The following ZNF292 variants were observed in gnomAD, a reference collection of about 807,000 sequenced individuals.
ZNF292 encodes the protein 16 zinc-finger domain protein.
A neutral mutation model predicts 217.9 loss-of-function variants in ZNF292; 26 were observed. The observed-to-expected ratio is 0.12, with a 90% CI of 0.09 to 0.17. The LOEUF is 0.17. ZNF292 is among the 10% of genes least tolerant of loss of function. The pLI, the probability that ZNF292 is intolerant of heterozygous loss-of-function variation, is 1.00. For synonymous variants in ZNF292, 1,257 were observed against 1,124.1 expected, an observed-to-expected ratio of 1.12 and a Z score of -2.37; for missense variants, 2,904 against 3,175.2, an observed-to-expected ratio of 0.91 and a Z score of 2.05.
At position 87,205,296 on chromosome 6, in the gene ZNF292, A is replaced by AC. The variant is rs1487300148; in HGVS notation, c.169-10603dup. Among the ~76,000 whole-genome samples the AC allele has an allele frequency of 4.6e-5, 7 of 151,978 alleles. No individual in the cohort carries two copies. The South Asian group carries it at 6.2e-4, about 14-fold the overall frequency. On this transcript the variant is annotated intron_variant, in intron 1 of 7. Coordinates refer to ENST00000369577, the MANE Select transcript of ZNF292 (RefSeq NM_015021.3). Reference sequence around the variant, plus strand: ...GCTATGTTGCTCTGGCTGGTCTCGAACCCCTGGCCTCAAATTATCCTCCCA... The same window carrying AC: ...GCTATGTTGCTCTGGCTGGTCTCGAACCCCCTGGCCTCAAATTATCCTCCCA...
chr6:87,239,270 C>G (rs1180975726), intron 5 of ZNF292, among the ~76,000 whole-genome samples: 1 of 151,560 alleles, frequency 6.6e-6, no homozygotes. Flanking sequence ...GCAAAGGCAC[C>G]CCTCACCTCC....
chr6:87,234,549 ACT>A (rs1163510377), intron 5 of ZNF292, among the ~76,000 whole-genome samples: 2 of 150,022 alleles, frequency 1.3e-5, no homozygotes, highest in South Asian at 2.1e-4. Context: ...ACAGTGTGAG[ACT>A]CTGTCGCAAA....
At chr6:87,172,988 CCT>C (rs1771155723) in intron 1 of ZNF292, among the ~76,000 whole-genome samples, 2 of 151,536 alleles carry the variant, frequency 1.3e-5, no homozygotes, top group Admixed American at 1.3e-4. Flanking sequence ...AAATTAAAAA[CCT>C]ATATTTAACT....
chr6:87,240,383 G>A (rs148199102), intron 5 of ZNF292, among the ~76,000 whole-genome samples: 1 of 151,526 alleles, frequency 6.6e-6, no homozygotes, highest in Non-Finnish European at 1.5e-5. Context: ...GGGTGGGGGA[G>A]GGGGAGGGGG....
chr6:87,218,496 A>T, intron 3 of ZNF292, 100 bp from the exon 4 acceptor site: 1 of 950,728 alleles, frequency 1.1e-6, no homozygotes, highest in South Asian at 2.6e-5. Context: ...AATTTTTAAG[A>T]TGAAAGTCTT....
chr6:87,213,529 G>A (rs976927682), intron 1 of ZNF292, among the ~76,000 whole-genome samples: 3 of 152,136 alleles, frequency 2.0e-5, no homozygotes, highest in Non-Finnish European at 2.9e-5. Flanking sequence ...AGAGCAGGGG[G>A]TATGAGCCAG....
intron 1 of ZNF292, among the ~76,000 whole-genome samples, chr6:87,159,567 A>G (rs540801109): frequency 6.7e-6 from 1 of 149,190 alleles, no homozygotes; most frequent in Non-Finnish European, 1.5e-5. Context: ...CAATGGCGCA[A>G]TCTGGGCTCA....
intron 5 of ZNF292, among the ~76,000 whole-genome samples, chr6:87,241,417 ATTT>A (rs34271239): frequency 1.4e-4 from 18 of 124,662 alleles, no homozygotes; most frequent in African/African-American, 3.0e-4. Context: ...AAGAGCTTGG[ATTT>A]TTTTTTTTTT....
intron 5 of ZNF292, among the ~76,000 whole-genome samples, chr6:87,238,689 A>ATT (rs201198900): frequency 9.1e-5 from 12 of 132,440 alleles, no homozygotes; most frequent in African/African-American, 2.6e-4. Context: ...TGATTTATAT[A>ATT]TTTTTTTTTT....
intron 1 of ZNF292, among the ~76,000 whole-genome samples, chr6:87,166,151 C>T (rs1417294268): frequency 1.3e-5 from 2 of 152,212 alleles, no homozygotes; most frequent in African/African-American, 4.8e-5. Flanking sequence ...AAAAAATCTG[C>T]ATTTAAGCAT....
In ZNF292 at chr6:87,259,918, C is replaced by T. The variant is rs758969434; in HGVS notation, c.6289C>T (p.Pro2097Ser). ...AAAGGAGGAGAAAAAACGAAAGAAGCCAGTTTCCCAATCCCTTGAGTTTCC... is the reference window on the plus strand; with the variant it reads ...AAAGGAGGAGAAAAAACGAAAGAAGTCAGTTTCCCAATCCCTTGAGTTTCC... ...KEKEEKKRKK[P>S]VSQSLEFPTR... The change falls in exon 8 of 8, where the codon CCA (proline) becomes TCA (serine). Residue 2097 changes from proline to serine, a missense_variant. Physicochemically the swap from Pro to Ser is moderately conservative, Grantham distance 74. Around this residue, in one of 15 missense-constraint regions of ZNF292, gnomAD observed 261 missense variants for 272.8 expected, o/e 0.96. Coordinates refer to ENST00000369577, the MANE Select transcript of ZNF292 (RefSeq NM_015021.3). 2 of 1,613,546 alleles carry T rather than the reference C, an allele frequency of 1.2e-6. No individual in the cohort carries two copies. Among genetic ancestry groups the T allele is most frequent in the Non-Finnish European group, 1.7e-6 (2 of 1,179,658 alleles).
At chr6:87,239,078 T>A (rs1377191552) in intron 5 of ZNF292, among the ~76,000 whole-genome samples, 1 of 152,256 alleles carries the variant, frequency 6.6e-6, no homozygotes, top group Non-Finnish European at 1.5e-5. Context: ...TATGTCTACT[T>A]CTTTCTACAC....
intron 1 of ZNF292, chr6:87,169,789 G>C (rs1224976628): frequency 1.3e-5 from 5 of 381,804 alleles, no homozygotes; most frequent in South Asian, 9.2e-5. Context: ...TGGGACTACA[G>C]ATGTGCGCTA....
intron 1 of ZNF292, among the ~76,000 whole-genome samples, chr6:87,172,759 T>A (rs1042387840): frequency 3.3e-5 from 5 of 151,650 alleles, no homozygotes; most frequent in African/African-American, 1.2e-4. Flanking sequence ...TAAAAAATAT[T>A]AGCTGGGCGT....
intron 5 of ZNF292, among the ~76,000 whole-genome samples, chr6:87,241,544 C>T (rs1300016898): frequency 1.3e-5 from 2 of 151,738 alleles, no homozygotes; most frequent in Non-Finnish European, 2.9e-5. Context: ...TCAACCTCCC[C>T]AGTAGCTGGA....
intron 1 of ZNF292, among the ~76,000 whole-genome samples, chr6:87,166,487 A>C (rs958939499): frequency 1.3e-5 from 2 of 152,228 alleles, no homozygotes; most frequent in African/African-American, 4.8e-5. Context: ...GAAGGCTCCC[A>C]GCACAGTGTC....
intron 1 of ZNF292, among the ~76,000 whole-genome samples, chr6:87,165,757 C>CTTTTTTT (rs71014998): frequency 3.0e-5 from 4 of 131,264 alleles, no homozygotes; most frequent in African/African-American, 5.7e-5. Flanking sequence ...GTTTACATTT[C>CTTTTTTT]TTTTTTTTTT....
At chr6:87,193,299 C>T (rs539951079) in intron 1 of ZNF292, among the ~76,000 whole-genome samples, 28 of 152,256 alleles carry the variant, frequency 1.8e-4, no homozygotes, top group African/African-American at 4.8e-4. Context: ...AATCCTAGCA[C>T]TTTGGGAGGC....
intron 4 of ZNF292, among the ~76,000 whole-genome samples, chr6:87,225,489 A>G (rs2127813980): frequency 6.6e-6 from 1 of 152,276 alleles, no homozygotes; most frequent in East Asian, 1.9e-4. Context: ...TAGAAATTTT[A>G]TAGTTTCACA....
Sources: gnomAD v4.1 joint callset for allele counts (sites outside exome capture counted in the v4.1 genomes callset) on GRCh38, gnomAD v4.1.1 for gene constraint, gnomAD v4.1.1 regional missense constraint, MANE v1.5 for transcripts, NCBI Gene and HGNC (gene_info 2026-07-23, HGNC 2026-07-21) for gene names.